ATP13A5: variants seen among roughly 807,000 people sequenced by gnomAD.
The protein encoded by ATP13A5 is probable cation-transporting ATPase 13A5.
A neutral mutation model predicts 150.2 loss-of-function variants in ATP13A5; 149 were observed. The ratio of observed to expected loss-of-function variants is 0.99; its 90% CI spans 0.87 to 1.14. ATP13A5 has a LOEUF of 1.14. ATP13A5 is among the 50% of genes most tolerant of loss of function. The probability of loss-of-function intolerance (pLI) is 0.00; values close to 1 mark genes in which losing one functional copy is unlikely to be tolerated. For missense variants in ATP13A5, 1,383 were observed against 1,449.3 expected (o/e 0.95, Z 0.74); for synonymous variants, 497 against 522.2 (o/e 0.95, Z 0.66).
chr3:193,313,245 G>A (rs1298396094), intron 19 of ATP13A5: 2 of 152,226 alleles, frequency 1.3e-5, no homozygotes, highest in Admixed American at 1.3e-4. Flanking sequence ...TAGGGGCAGG[G>A]CCATTCTGTA....
chr3:193,335,040 T>C lies in ATP13A5; in HGVS notation c.1003A>G (p.Lys335Glu), dbSNP rs201429261. Residue 335 changes from lysine to glutamate, a missense_variant, in exon 10 of 30, where the codon AAA (lysine) becomes GAA (glutamate). This residue lies in a region of ATP13A5 where 787 missense variants were observed against 771.9 expected (regional missense o/e 1.02). Transcript: ENST00000342358. Reference protein sequence around the residue: ...LPQMENTMPWKCHSLEDYRKH... With the variant: ...LPQMENTMPWECHSLEDYRKH... ...CTATAATCCTCCAAACTGTGACATT[T>C]CCAAGGCATAGTGTTCTCCATCTGG... The C allele has an allele frequency of 1.9e-4, 301 of 1,613,850 alleles. No individual in the cohort carries two copies. The highest frequency in any genetic ancestry group is 2.5e-4 in the Non-Finnish European group (290 of 1,179,858).
chr3:193,369,900 A>G (rs1168878003), intron 1 of ATP13A5, among the ~76,000 whole-genome samples: 1 of 152,192 alleles, frequency 6.6e-6, no homozygotes, highest in Non-Finnish European at 1.5e-5. Flanking sequence ...TCAGTCAATG[A>G]TAACAGGTGA....
rs1464152438 is a variant in ATP13A5 at position 193,351,184 on chromosome 3, A to G, written c.624T>C (p.Tyr208=). ...LLVKQVLNPF[Y]VFQAFTLTLW... Reference sequence around the variant, plus strand: ...AAGTTAGGGTGAAGGCTTGGAACACATAGAATGGATTTAAAACCTGCAGGC... The same window carrying G: ...AAGTTAGGGTGAAGGCTTGGAACACGTAGAATGGATTTAAAACCTGCAGGC... Residue 208 remains tyrosine, a synonymous_variant, in exon 7 of 30, where the codon TAT becomes TAC. Coordinates refer to ENST00000342358, the MANE Select transcript of ATP13A5 (RefSeq NM_198505.4). 1 of 1,613,776 alleles carries G rather than the reference A, an allele frequency of 6.2e-7. No individual in the cohort carries two copies. The highest frequency in any genetic ancestry group is 2.2e-5 in the East Asian group (1 of 44,870).
intron 1 of ATP13A5, among the ~76,000 whole-genome samples, chr3:193,374,564 G>A (rs1713571370): frequency 6.6e-6 from 1 of 151,102 alleles, no homozygotes; most frequent in African/African-American, 2.4e-5. Flanking sequence ...AGGATTGCTT[G>A]TGCCTGGGAG....
rs866233918 is a variant in ATP13A5 at position 193,349,056 on chromosome 3, G to A, written c.741+2011C>T. ...TGTCCCATACAAACACATACATTGT[G>A]AATGTGGGCGCCTATTGTAAACCGT... On this transcript the variant is annotated intron_variant, in intron 7 of 29. Coordinates refer to ENST00000342358, the MANE Select transcript of ATP13A5 (RefSeq NM_198505.4). Among the ~76,000 whole-genome samples, 7 of 152,164 alleles carry A rather than the reference G, an allele frequency of 4.6e-5. 1 individual carries two copies. Among genetic ancestry groups the A allele is most frequent in the African/African-American group, 1.7e-4 (7 of 41,440 alleles).
At chr3:193,322,868 T>C (rs1355792586) in intron 14 of ATP13A5, among the ~76,000 whole-genome samples, 1 of 152,134 alleles carries the variant, frequency 6.6e-6, no homozygotes, top group Non-Finnish European at 1.5e-5. Flanking sequence ...CATCTAGTAA[T>C]TGGAGGAGGG....
intron 1 of ATP13A5, among the ~76,000 whole-genome samples, chr3:193,377,839 T>C (rs1332880019): frequency 6.6e-6 from 1 of 152,196 alleles, no homozygotes; most frequent in African/African-American, 2.4e-5. Flanking sequence ...GAGCCACTGT[T>C]GTATGGTGAA....
At chr3:193,354,750 A>G (rs555088007) in intron 5 of ATP13A5, among the ~76,000 whole-genome samples, 14 of 152,154 alleles carry the variant, frequency 9.2e-5, no homozygotes, top group Middle Eastern at 6.3e-3. Flanking sequence ...TGTAATACAT[A>G]TGTGCATTAC....
At chr3:193,376,300 CCTT>C (rs1713640957) in intron 1 of ATP13A5, among the ~76,000 whole-genome samples, 1 of 152,204 alleles carries the variant, frequency 6.6e-6, no homozygotes, top group Non-Finnish European at 1.5e-5. Context: ...TGAGGACCCT[CCTT>C]CTGGTGCATA....
chr3:193,362,958 C>A (rs999256067), intron 3 of ATP13A5, among the ~76,000 whole-genome samples: 7 of 152,002 alleles, frequency 4.6e-5, no homozygotes, highest in South Asian at 4.1e-4. Flanking sequence ...CCACACTCAG[C>A]TCATTTTTTG....
intron 7 of ATP13A5, among the ~76,000 whole-genome samples, chr3:193,346,434 G>A (rs1712339415): frequency 6.6e-6 from 1 of 152,108 alleles, no homozygotes; most frequent in Admixed American, 6.6e-5. Flanking sequence ...ACTGACTGTT[G>A]GGGCAACATC....
chr3:193,313,971 C>A (rs1718946605), intron 19 of ATP13A5, 62 bp downstream of exon 19: 2 of 1,549,280 alleles, frequency 1.3e-6, no homozygotes, highest in Non-Finnish European at 1.8e-6. Flanking sequence ...GAAGGCTGAG[C>A]AGTGCCAGGA....
At chr3:193,336,766 T>G (rs1312405248) in intron 9 of ATP13A5, among the ~76,000 whole-genome samples, 1 of 152,234 alleles carries the variant, frequency 6.6e-6, no homozygotes, top group African/African-American at 2.4e-5. Context: ...ATGGGATGGC[T>G]GGGTCAAATG....
At position 193,364,282 on chromosome 3, in the gene ATP13A5, T is replaced by C; in HGVS notation, c.64-2A>G. ...GTGGTCCCGGTAACCAAACACCTCC[T>C]GGAGAATAAATTTAAAAGATCGCTC... is the stretch of plus-strand genomic sequence containing the variant. On this transcript the variant is annotated splice_acceptor_variant, in intron 1 of 29. Transcript: ENST00000342358. LOFTEE classifies it high-confidence loss of function. The C allele has an allele frequency of 6.2e-7, 1 of 1,605,338 alleles. No individual in the cohort carries two copies. The highest frequency in any genetic ancestry group is 8.5e-7 in the Non-Finnish European group (1 of 1,175,912).
chr3:193,315,140 G>A (rs916613091), intron 17 of ATP13A5, 44 bp from the exon 18 acceptor site: 3 of 1,560,146 alleles, frequency 1.9e-6, no homozygotes, highest in South Asian at 1.2e-5. Context: ...TATCTACGTA[G>A]GCTCCATAGT....
intron 9 of ATP13A5, among the ~76,000 whole-genome samples, chr3:193,340,583 C>A (rs972471884): frequency 2.0e-5 from 3 of 152,172 alleles, no homozygotes; most frequent in South Asian, 2.1e-4. Context: ...ATCTCAAATA[C>A]ATCAGCAGCT....
chr3:193,365,586 G>A (rs1713210393), intron 1 of ATP13A5, among the ~76,000 whole-genome samples: 1 of 151,988 alleles, frequency 6.6e-6, no homozygotes, highest in Admixed American at 6.6e-5. Context: ...AAATGTATAT[G>A]CCACTTTATA....
intron 27 of ATP13A5, chr3:193,281,305 G>C: frequency 1.8e-6 from 1 of 552,800 alleles, no homozygotes; most frequent in Non-Finnish European, 2.3e-6. Context: ...GCACATCACT[G>C]TCTAATGGTC....
intron 9 of ATP13A5, among the ~76,000 whole-genome samples, chr3:193,342,115 G>A (rs1039861106): frequency 1.4e-4 from 22 of 152,110 alleles, no homozygotes; most frequent in Admixed American, 2.6e-4. Flanking sequence ...AGTCTAATTT[G>A]TTTTATACCA....
Sources: allele counts gnomAD v4.1 joint callset (sites outside exome capture counted in the v4.1 genomes callset), GRCh38; gene constraint gnomAD v4.1.1; regional missense constraint gnomAD v4.1.1; transcripts MANE v1.5; gene names NCBI Gene and HGNC (gene_info 2026-07-23, HGNC 2026-07-21).